Variants in DAB1 observed in about 807,000 individuals in gnomAD.
The protein encoded by DAB1 is DAB adaptor protein 1.
A neutral mutation model predicts 64.6 loss-of-function variants in DAB1; 15 were observed. That is an observed-to-expected ratio of 0.23 (90% CI 0.16 to 0.36). The LOEUF is 0.36. DAB1 is among the 10% of genes least tolerant of loss of function. The probability of loss-of-function intolerance (pLI) is 1.00; values close to 1 mark genes in which losing one functional copy is unlikely to be tolerated. For synonymous variants in DAB1, 235 were observed against 251.9 expected (o/e 0.93, Z 0.64); for missense variants, 596 against 706.7 (o/e 0.84, Z 1.78).
intron 5 of DAB1, among the ~76,000 whole-genome samples, chr1:57,963,793 A>G (rs1417511775): frequency 6.6e-6 from 1 of 152,016 alleles, no homozygotes; most frequent in Non-Finnish European, 1.5e-5. Flanking sequence ...CTCATATCGC[A>G]TTACATTTAA....
At chr1:58,111,087 G>A (rs1570364719) in intron 5 of DAB1, among the ~76,000 whole-genome samples, 1 of 152,220 alleles carries the variant, frequency 6.6e-6, no homozygotes, top group African/African-American at 2.4e-5. Context: ...GGAGGTGTAT[G>A]TTATTTGTAG....
At chr1:58,213,429 G>A (rs1432317122) in intron 4 of DAB1, among the ~76,000 whole-genome samples, 4 of 152,084 alleles carry the variant, frequency 2.6e-5, no homozygotes, top group Admixed American at 6.5e-5. Flanking sequence ...CTGAGGGGAG[G>A]GACCTCAGGA....
chr1:57,193,286 A>G (rs1484173762), intron 2 of DAB1, among the ~76,000 whole-genome samples: 2 of 151,102 alleles, frequency 1.3e-5, no homozygotes, highest in African/African-American at 4.9e-5. Flanking sequence ...TGACTTCTTT[A>G]GATCCCACAT....
rs117049127 is a variant in DAB1 at position 58,487,861 on chromosome 1, A to G, written n.257+18199T>C. 9.7e-4 allele frequency among the ~76,000 whole-genome samples: 147 copies of G among 152,218 alleles called. 1 individual carries two copies. The East Asian group carries it at 0.022, about 23-fold the overall frequency. On this transcript the variant is annotated intron_variant and non_coding_transcript_variant, in intron 3 of 20. Transcript: ENST00000485760. Reference sequence around the variant, plus strand: ...ATTAATTAACATTATCTAACTAAAAATAACATTCTCCCAAATATTTCAGTT... The same window carrying G: ...ATTAATTAACATTATCTAACTAAAAGTAACATTCTCCCAAATATTTCAGTT...
At chr1:57,861,543 T>C (rs1373744666) in intron 1 of DAB1, among the ~76,000 whole-genome samples, 1 of 152,130 alleles carries the variant, frequency 6.6e-6, no homozygotes, top group Non-Finnish European at 1.5e-5. Context: ...ACAGAAACTT[T>C]CAGTCCATTG....
At chr1:58,315,760 G>A (rs1662543748) in intron 4 of DAB1, among the ~76,000 whole-genome samples, 1 of 152,166 alleles carries the variant, frequency 6.6e-6, no homozygotes, top group Non-Finnish European at 1.5e-5. Context: ...TGAACTGACT[G>A]ACAAAGAGAA....
At chr1:57,022,907 A>T (rs1646666949) in intron 11 of DAB1, among the ~76,000 whole-genome samples, 1 of 152,268 alleles carries the variant, frequency 6.6e-6, no homozygotes, top group Non-Finnish European at 1.5e-5. Context: ...GGCTCCATCC[A>T]TTTGTAACTC....
intron 3 of DAB1, among the ~76,000 whole-genome samples, chr1:58,473,011 T>C (rs1184642824): frequency 2.6e-5 from 4 of 152,122 alleles, no homozygotes; most frequent in African/African-American, 9.7e-5. Flanking sequence ...TATAGAAGAT[T>C]TGTTAAGAGA....
chr1:57,860,597 A>G (rs1456200207), intron 1 of DAB1: 2 of 152,236 alleles, frequency 1.3e-5, no homozygotes, highest in Non-Finnish European at 2.9e-5. Context: ...AGGAGCTGGT[A>G]ATCAGGATGG....
intron 6 of DAB1, among the ~76,000 whole-genome samples, chr1:57,710,106 C>T (rs952030124): frequency 1.3e-5 from 2 of 152,020 alleles, no homozygotes; most frequent in Admixed American, 6.6e-5. Context: ...ATCTATATCA[C>T]CTGAAGTTAT....
At chr1:58,255,410 C>G (rs901907736) in intron 4 of DAB1, among the ~76,000 whole-genome samples, 1 of 133,692 alleles carries the variant, frequency 7.5e-6, no homozygotes, top group Non-Finnish European at 1.6e-5. Flanking sequence ...TGTGAACTCT[C>G]TTGCTTGCTT....
At chr1:58,372,155 T>C (rs575534591) in intron 3 of DAB1, among the ~76,000 whole-genome samples, 2 of 152,230 alleles carry the variant, frequency 1.3e-5, no homozygotes, top group African/African-American at 2.4e-5. Flanking sequence ...CGCCAGGCAA[T>C]GAAAGCAGCT....
intron 5 of DAB1, among the ~76,000 whole-genome samples, chr1:58,088,966 G>A (rs1272570199): frequency 2.6e-5 from 4 of 152,216 alleles, no homozygotes; most frequent in Non-Finnish European, 4.4e-5. Flanking sequence ...TGGAGAAGAC[G>A]TTTGGACAGA....
chr1:57,989,020 C>T (rs1646286447), intron 5 of DAB1, among the ~76,000 whole-genome samples: 1 of 152,142 alleles, frequency 6.6e-6, no homozygotes, highest in Admixed American at 6.5e-5. Context: ...CTACAGCCCT[C>T]CCCTCTGCGA....
intron 1 of DAB1, chr1:58,538,684 A>G (rs1557459422): frequency 5.5e-6 from 3 of 546,084 alleles, no homozygotes; most frequent in Admixed American, 3.5e-5. Flanking sequence ...GGTTTCTTTA[A>G]AAGTACAGTT....
At chr1:58,506,278 AT>A (rs370563888) in intron 2 of DAB1, 257 of 711,910 alleles carry the variant, frequency 3.6e-4, no homozygotes, top group South Asian at 4.9e-4. Flanking sequence ...CTACTACTTT[AT>A]TTTTTTTTAA....
chr1:57,965,780 T>G (rs568254959), intron 5 of DAB1, among the ~76,000 whole-genome samples: 80 of 152,154 alleles, frequency 5.3e-4, no homozygotes, highest in Admixed American at 1.5e-3. Flanking sequence ...CTCACAATCT[T>G]TAGGGGAGGT....
intron 4 of DAB1, among the ~76,000 whole-genome samples, chr1:58,319,090 T>C (rs1050285669): frequency 2.0e-5 from 3 of 151,956 alleles, no homozygotes; most frequent in Admixed American, 6.6e-5. Context: ...ACTGACTGAT[T>C]ATTACCTGTG....
chr1:58,086,336 G>T (rs1344111239), intron 5 of DAB1, among the ~76,000 whole-genome samples: 2 of 152,104 alleles, frequency 1.3e-5, no homozygotes, highest in African/African-American at 2.4e-5. Context: ...AAGGCAGTTT[G>T]TCATGACATA....
Sources: allele counts gnomAD v4.1 joint callset (sites outside exome capture counted in the v4.1 genomes callset), GRCh38; gene constraint gnomAD v4.1.1; transcripts MANE v1.5; gene names NCBI Gene and HGNC (gene_info 2026-07-23, HGNC 2026-07-21).